LHFPL5: variants seen among roughly 807,000 people sequenced by gnomAD.
LHFPL5 encodes LHFPL tetraspan subfamily member 5 protein.
In LHFPL5, 12 loss-of-function variants were observed where a neutral mutation model predicts 18.7. That is an observed-to-expected ratio of 0.64 (90% CI 0.41 to 1.04). The LOEUF is 1.04. Ranked by LOEUF, LHFPL5 falls within the 50% of genes least tolerant of loss-of-function variation. The pLI is 0.00. For synonymous variants in LHFPL5, 111 were observed against 120.2 expected, an observed-to-expected ratio of 0.92 and a Z score of 0.50; for missense variants, 259 against 292.1, an observed-to-expected ratio of 0.89 and a Z score of 0.83.
intron 1 of LHFPL5, among the ~76,000 whole-genome samples, chr6:35,807,673 A>C (rs1371972022): frequency 6.6e-6 from 1 of 152,142 alleles, no homozygotes; most frequent in Non-Finnish European, 1.5e-5. Flanking sequence ...GACCCCAGAG[A>C]GCTATATCCA....
chr6:35,807,748 C>G (rs977085688), intron 1 of LHFPL5, among the ~76,000 whole-genome samples: 1 of 152,100 alleles, frequency 6.6e-6, no homozygotes, highest in African/African-American at 2.4e-5. Context: ...AAGGCTGTAG[C>G]AGATCAGCAG....
intron 2 of LHFPL5, among the ~76,000 whole-genome samples, chr6:35,818,337 ATATATATATATGTATTTTT>A (rs1768799949): frequency 2.5e-4 from 3 of 12,222 alleles, no homozygotes; most frequent in Non-Finnish European, 6.5e-4. Context: ...ATATATATAT[ATATATATATATGTATTTTT>A]TTTTTTTTTT....
chr6:35,820,962 A>G (rs1768854016), intron 3 of LHFPL5, among the ~76,000 whole-genome samples: 1 of 152,194 alleles, frequency 6.6e-6, no homozygotes, highest in Non-Finnish European at 1.5e-5. Flanking sequence ...TTATTAGAGC[A>G]TGATTCTCAA....
At position 35,821,857 on chromosome 6, in the gene LHFPL5, A is replaced by ATTTTTTTTTTTTTTTTTTTTTTTT. The variant is rs763639486; in HGVS notation, c.*17-1114_*17-1091dup. On this transcript the variant is annotated intron_variant, in intron 3 of 3. Transcript: ENST00000360215. Reference sequence around the variant, plus strand: ...AACTCCACAGCACTGGTGTACCACAATTTTTTTTTTTTTTTTTTTTTTTTT... The same window carrying ATTTTTTTTTTTTTTTTTTTTTTTT: ...AACTCCACAGCACTGGTGTACCACAATTTTTTTTTTTTTTTTTTTTTTTTTTTTTTTTTTTTTTTTTTTTTTTTT... Among the ~76,000 whole-genome samples, 5 of 39,136 alleles carry ATTTTTTTTTTTTTTTTTTTTTTTT rather than the reference A, an allele frequency of 1.3e-4. 1 individual carries two copies. The highest frequency in any genetic ancestry group is 4.7e-4 in the Admixed American group (1 of 2,134). 25.7% of individuals were successfully genotyped at this position (39,136 alleles called of 152,430 possible). A position where few individuals can be genotyped will look rare whatever the true frequency, so the allele number is the denominator to read the frequency against.
chr6:35,821,001 A>C (rs374931756), intron 3 of LHFPL5, among the ~76,000 whole-genome samples: 51 of 152,212 alleles, frequency 3.4e-4, no homozygotes, highest in African/African-American at 1.2e-3. Flanking sequence ...TCATCTGGGG[A>C]TCTTGTTAAA....
intron 3 of LHFPL5, among the ~76,000 whole-genome samples, chr6:35,820,386 A>G (rs1768843217): frequency 1.3e-5 from 2 of 152,172 alleles, no homozygotes; most frequent in African/African-American, 2.4e-5. Flanking sequence ...TTTAACAAGA[A>G]CATTCAGGAA....
At chr6:35,821,231 G>A (rs369583402) in intron 3 of LHFPL5, among the ~76,000 whole-genome samples, 3 of 151,672 alleles carry the variant, frequency 2.0e-5, no homozygotes, top group African/African-American at 7.3e-5. Context: ...TTGAACCCAG[G>A]AGGCGGCGGT....
rs199534465 is a variant in LHFPL5, at chr6:35,823,430, T to G, written c.*465T>G. On this transcript the variant is annotated 3_prime_UTR_variant, in exon 4 of 4. Transcript: ENST00000360215. ...ACACACACACACACACACACATACA[T>G]ACACACACACATATATATACACACA... 1.2e-5 allele frequency: 1 copy of G among 83,438 alleles called. No individual in the cohort carries two copies. The highest frequency in any genetic ancestry group is 2.6e-5 in the Non-Finnish European group (1 of 38,560). 5.2% of individuals were successfully genotyped at this position (83,438 alleles called of 1,614,324 possible).
chr6:35,819,081 C>T (rs923698877), intron 2 of LHFPL5, among the ~76,000 whole-genome samples: 70 of 152,204 alleles, frequency 4.6e-4, no homozygotes, highest in African/African-American at 1.6e-3. Context: ...GATCCACCTT[C>T]CTCAGCCTCC....
intron 2 of LHFPL5, among the ~76,000 whole-genome samples, chr6:35,817,734 T>C (rs1768789619): frequency 6.6e-6 from 1 of 152,150 alleles, no homozygotes; most frequent in Non-Finnish European, 1.5e-5. Flanking sequence ...AGTGGAGAAA[T>C]TGGAACCCTC....
chr6:35,807,898 G>A (rs1180599314), intron 1 of LHFPL5, among the ~76,000 whole-genome samples: 1 of 152,148 alleles, frequency 6.6e-6, no homozygotes, highest in African/African-American at 2.4e-5. Context: ...ATCTGGAGGA[G>A]CCCCAGCACA....
At chr6:35,818,569 C>G (rs1441302985) in intron 2 of LHFPL5, among the ~76,000 whole-genome samples, 1 of 151,440 alleles carries the variant, frequency 6.6e-6, no homozygotes, top group African/African-American at 2.4e-5. Flanking sequence ...ACCATGTTGA[C>G]CAGGCTGGTC....
chr6:35,822,829 C>T lies in LHFPL5; in HGVS notation c.*17-153C>T, dbSNP rs186824176. Among the ~76,000 whole-genome samples the T allele has an allele frequency of 1.7e-3, 265 of 152,136 alleles. 6 individuals are homozygous for T. The South Asian group carries it at 0.026, about 15-fold the overall frequency. On this transcript the variant is annotated intron_variant, in intron 3 of 3. Transcript: ENST00000360215. ...TTCACCATGTTGGCCAGGCTGGCCT[C>T]GAACTCCTGACCTCAAGTGATCCAC...
intron 3 of LHFPL5, among the ~76,000 whole-genome samples, chr6:35,822,518 T>C (rs1206249195): frequency 6.6e-6 from 1 of 152,198 alleles, no homozygotes; most frequent in African/African-American, 2.4e-5. Flanking sequence ...TTTTTTGTAA[T>C]TTATTTTGAG....
intron 1 of LHFPL5, among the ~76,000 whole-genome samples, chr6:35,806,827 G>GTTGTTA (rs1768577551): frequency 6.6e-6 from 1 of 152,062 alleles, no homozygotes; most frequent in Non-Finnish European, 1.5e-5. Context: ...TGTTGTTGTT[G>GTTGTTA]TTTGTTTGTT....
chr6:35,818,706 A>G (rs1183108331), intron 2 of LHFPL5, among the ~76,000 whole-genome samples: 16 of 151,578 alleles, frequency 1.1e-4, no homozygotes, highest in Non-Finnish European at 1.5e-5. Context: ...CTCATAGCAT[A>G]TATAAAGCAC....
chr6:35,820,300 G>GT (rs1276113576), intron 3 of LHFPL5, among the ~76,000 whole-genome samples: 1 of 152,118 alleles, frequency 6.6e-6, no homozygotes, highest in Non-Finnish European at 1.5e-5. Context: ...AAGTTAACCA[G>GT]TTTTAATGTC....
intron 2 of LHFPL5, among the ~76,000 whole-genome samples, chr6:35,818,342 TATATATGTA>T (rs1376983066): frequency 0.091 from 763 of 8,406 alleles, 6 homozygotes; most frequent in South Asian, 0.14. Context: ...TATATATATA[TATATATGTA>T]TTTTTTTTTT....
rs779045123 is a variant in LHFPL5, at chr6:35,814,795, C to T, written c.649+13C>T. On this transcript the variant is annotated intron_variant, in intron 2 of 3. Coordinates refer to ENST00000360215, the MANE Select transcript of LHFPL5 (RefSeq NM_182548.4). This position sits in a 1 kb window ranked among gnomAD's most constrained non-coding sequence, Gnocchi z 4.2. The stretch of plus-strand genomic sequence containing the variant: ...GCAGATGGAACCGGTAATCACCCAA[C>T]TCCACAATGGTGTCCCCTGCCTGGA... The T allele has an allele frequency of 1.9e-6, 3 of 1,607,172 alleles. No homozygotes were observed. In the Admixed American group the frequency reaches 5.0e-5, roughly 27 times the overall value.
Sources: gnomAD v4.1 joint callset for allele counts (sites outside exome capture counted in the v4.1 genomes callset) on GRCh38, gnomAD v4.1.1 for gene constraint, Gnocchi (gnomAD v3.1) non-coding constraint, MANE v1.5 for transcripts, NCBI Gene and HGNC (gene_info 2026-07-23, HGNC 2026-07-21) for gene names.